The following SETD2 variants were observed in gnomAD, a reference collection of about 807,000 sequenced individuals.
SETD2 encodes histone-lysine N-methyltransferase SETD2.
Under a neutral mutation model 242.1 loss-of-function variants are expected in SETD2, and 31 were observed. The ratio of observed to expected loss-of-function variants is 0.13; its 90% CI spans 0.10 to 0.17. SETD2 has a LOEUF of 0.17. Among genes scored for constraint, SETD2 ranks in the 10% least tolerant of loss-of-function variants. SETD2 has a pLI of 1.00. For missense variants in SETD2, 2,481 were observed against 3,046.3 expected (o/e 0.81, Z 4.37); for synonymous variants, 1,006 against 1,066.5 (o/e 0.94, Z 1.11).
Position 47,057,402 on chromosome 3 carries a change from C to G in SETD2, c.6382G>C (p.Glu2128Gln), listed in dbSNP as rs2107577629. The G allele has an allele frequency of 3.1e-6, 5 of 1,614,196 alleles. No individual in the cohort carries two copies. The highest frequency in any genetic ancestry group is 3.4e-6 in the Non-Finnish European group (4 of 1,180,004). The change falls in exon 15 of 21, where the codon GAG becomes CAG. Residue 2128 changes from glutamate to glutamine, a missense_variant. By Grantham distance (29) the Glu-to-Gln change is conservative. This residue lies in a region of SETD2 where 45 missense variants were observed against 62.8 expected (regional missense o/e 0.72). Coordinates refer to ENST00000409792, the MANE Select transcript of SETD2 (RefSeq NM_014159.7). ...TTCTGAGCCTCCCGTTGAGCCACCTCTTGCTCAAACAACTTCCGGCGTTCC... is the reference window on the plus strand; with the variant it reads ...TTCTGAGCCTCCCGTTGAGCCACCTGTTGCTCAAACAACTTCCGGCGTTCC... Reference protein sequence around the residue: ...TEERRKLFEQEVAQREAQKQQ... With the variant: ...TEERRKLFEQQVAQREAQKQQ...
At chr3:47,156,266 A>T (rs1367615605) in intron 1 of SETD2, among the ~76,000 whole-genome samples, 1 of 152,254 alleles carries the variant, frequency 6.6e-6, no homozygotes, top group Non-Finnish European at 1.5e-5. Flanking sequence ...GTAATGTATT[A>T]AACAAAATTT....
chr3:47,058,620 T>TA (rs2040190987), intron 14 of SETD2, among the ~76,000 whole-genome samples: 1 of 150,294 alleles, frequency 6.7e-6, no homozygotes, highest in Non-Finnish European at 1.5e-5. Context: ...CAAAATAACA[T>TA]AGATGAATGA....
In SETD2 at chr3:47,057,337, T is replaced by C. The variant is rs747454617; in HGVS notation, c.6447A>G (p.Pro2149=). 43 of 1,614,064 alleles carry C rather than the reference T, an allele frequency of 2.7e-5. No individual in the cohort carries two copies. The highest frequency in any genetic ancestry group is 3.5e-5 in the Non-Finnish European group (41 of 1,180,036). Residue 2149 remains proline, a synonymous_variant, in exon 15 of 21, where the codon CCA becomes CCG. Coordinates refer to ENST00000409792, the MANE Select transcript of SETD2 (RefSeq NM_014159.7). ...TATAACCAAGAGAGTCATAGGGCAG[T>C]GGTGATGTCATTCCCAGGTTCTGCA... ...QQMQNLGMTS[P]LPYDSLGYNA...
chr3:47,128,627 A>T (rs1181086955), intron 1 of SETD2, among the ~76,000 whole-genome samples: 1 of 152,186 alleles, frequency 6.6e-6, no homozygotes, highest in Non-Finnish European at 1.5e-5. Context: ...CATGAATGAG[A>T]TCTGAAGCAG....
At chr3:47,057,801 T>G (rs1399815033) in intron 14 of SETD2, among the ~76,000 whole-genome samples, 1 of 152,084 alleles carries the variant, frequency 6.6e-6, no homozygotes, top group Non-Finnish European at 1.5e-5. Context: ...AATCACAAAT[T>G]CTAAAATTAA....
chr3:47,146,336 T>C (rs2043850297), intron 1 of SETD2, among the ~76,000 whole-genome samples: 1 of 152,038 alleles, frequency 6.6e-6, no homozygotes, highest in Non-Finnish European at 1.5e-5. Context: ...CTATTTAAAA[T>C]CCTTCATATA....
At position 47,121,371 on chromosome 3, in the gene SETD2, G is replaced by A. The variant is rs763434646; in HGVS notation, c.3265C>T (p.Arg1089Trp). 1.2e-5 allele frequency: 19 copies of A among 1,609,406 alleles called. No homozygotes were observed. The highest frequency in any genetic ancestry group is 1.6e-4 in the Middle Eastern group (1 of 6,084). ...PMEETSPCSSRSSQSYRHYSD... is the reference protein window; with the variant it reads ...PMEETSPCSSWSSQSYRHYSD... ...TAGTGTCTATAACTTTGACTGCTCC[G>A]AGAAGAACAAGGACTTGTTTCTTCC... The change falls in exon 3 of 21, where the codon CGG (arginine) becomes TGG (tryptophan). Residue 1089 changes from arginine to tryptophan, a missense_variant. Arg to Trp is a moderately radical substitution (Grantham distance 101, BLOSUM62 -3). Around this residue, in one of 17 missense-constraint regions of SETD2, gnomAD observed 1,300 missense variants for 1,259.2 expected, o/e 1.03. Transcript: ENST00000409792.
Position 47,086,264 on chromosome 3 carries a change from C to T in SETD2, c.5328G>A (p.Leu1776=), listed in dbSNP as rs2107646014. ...CTGCCATCCAGATCCACAACAAAGACAGCCCATGACGTTCCAGAAAGGACT... is the reference window on the plus strand; with the variant it reads ...CTGCCATCCAGATCCACAACAAAGATAGCCCATGACGTTCCAGAAAGGACT... ...CLKSFLERHG[L]SLLWIWMAEL... The change falls in exon 11 of 21, where the codon CTG becomes CTA. Residue 1776 remains leucine, a synonymous_variant. Transcript: ENST00000409792. 1 of 1,613,388 alleles carries T rather than the reference C, an allele frequency of 6.2e-7. No homozygotes were observed. The highest frequency in any genetic ancestry group is 8.5e-7 in the Non-Finnish European group (1 of 1,179,506).
intron 8 of SETD2, among the ~76,000 whole-genome samples, chr3:47,098,690 A>G (rs1237312875): frequency 6.6e-6 from 1 of 152,010 alleles, no homozygotes; most frequent in Non-Finnish European, 1.5e-5. Context: ...CAGCTACTCA[A>G]GAGGCTGAGG....
At chr3:47,118,774 A>G (rs1575806993) in intron 3 of SETD2, among the ~76,000 whole-genome samples, 1 of 152,090 alleles carries the variant, frequency 6.6e-6, no homozygotes, top group African/African-American at 2.4e-5. Flanking sequence ...TTATATATAT[A>G]TATCTGATTC....
chr3:47,066,410 C>T (rs2040557910), intron 13 of SETD2, among the ~76,000 whole-genome samples: 1 of 152,126 alleles, frequency 6.6e-6, no homozygotes, highest in South Asian at 2.1e-4. Context: ...TACAGTGGCA[C>T]GATCATGGCT....
chr3:47,083,996 T>C lies in SETD2; in HGVS notation c.5784A>G (p.Leu1928=). Residue 1928 remains leucine (L), a synonymous_variant, in exon 12 of 21, where the codon CTA becomes CTG. Coordinates refer to ENST00000409792, the MANE Select transcript of SETD2 (RefSeq NM_014159.7). ...TGCATTCAGGCAGCTGTTGTGGGAG[T>C]AGCTGTTGTGACTGCAATTCTTCCT... ...EEEEELQSQQ[L]LPQQLPECKV... 6.2e-7 allele frequency: 1 copy of C among 1,614,102 alleles called. No homozygotes were observed. Among genetic ancestry groups the C allele is most frequent in the Non-Finnish European group, 8.5e-7 (1 of 1,180,010 alleles).
intron 9 of SETD2, among the ~76,000 whole-genome samples, chr3:47,095,290 C>T (rs539362362): frequency 6.4e-4 from 98 of 152,228 alleles, no homozygotes; most frequent in Non-Finnish European, 1.0e-3. Context: ...TACCCGCCAC[C>T]ACGCCCAGCA....
At position 47,057,064 on chromosome 3, in the gene SETD2, A is replaced by G. The variant is rs934035500; in HGVS notation, c.6720T>C (p.Tyr2240=). Residue 2240 remains tyrosine (Y), a synonymous_variant, in exon 15 of 21, where the codon TAT becomes TAC. Coordinates refer to ENST00000409792, the MANE Select transcript of SETD2 (RefSeq NM_014159.7). ...AAPVEVSSSQ[Y]VAQSDGVVHQ... is the part of the protein sequence containing the mutation. The stretch of plus-strand genomic sequence containing the variant: ...GTACTACACCATCACTCTGGGCCAC[A>G]TACTGGGAACTGGAAACTTCCACAG... The G allele has an allele frequency of 6.2e-7, 1 of 1,614,250 alleles. No homozygotes were observed. The highest frequency in any genetic ancestry group is 8.5e-7 in the Non-Finnish European group (1 of 1,180,042).
chr3:47,107,894 T>C (rs1437373487), intron 5 of SETD2, among the ~76,000 whole-genome samples: 1 of 152,040 alleles, frequency 6.6e-6, no homozygotes, highest in African/African-American at 2.4e-5. Context: ...GGCAGGAGAA[T>C]TGCTTGAGCC....
chr3:47,101,633 T>TGTGTGTGC (rs1553694870), intron 7 of SETD2, 78 bp from the exon 8 acceptor site: 32 of 670,268 alleles, frequency 4.8e-5, no homozygotes, highest in African/African-American at 2.6e-4. Context: ...TGTGTGTGTG[T>TGTGTGTGC]GCGCATATAT....
At position 47,078,682 on chromosome 3, in the gene SETD2, G is replaced by A. The variant is rs1022880876; in HGVS notation, c.6060+5038C>T. ...CACAGAAGAATATCCTTGGTTTTAG[G>A]AAATACACAATATCCAGGGGCATCA... On this transcript the variant is annotated intron_variant, in intron 12 of 20. Coordinates refer to ENST00000409792, the MANE Select transcript of SETD2 (RefSeq NM_014159.7). 4.6e-5 allele frequency among the ~76,000 whole-genome samples: 7 copies of A among 151,960 alleles called. No homozygotes were observed. The South Asian group carries it at 1.0e-3, about 23-fold the overall frequency.
At chr3:47,049,941 TAA>T (rs1361336616) in intron 15 of SETD2, among the ~76,000 whole-genome samples, 1 of 146,548 alleles carries the variant, frequency 6.8e-6, no homozygotes, top group African/African-American at 2.5e-5. Context: ...ACTTATTCTA[TAA>T]GTTTATATAT....
At chr3:47,126,076 C>T (rs1343113367) in intron 2 of SETD2, among the ~76,000 whole-genome samples, 2 of 152,224 alleles carry the variant, frequency 1.3e-5, no homozygotes, top group African/African-American at 2.4e-5. Flanking sequence ...GTTGCCCAGG[C>T]TGAAGTGCAG....
Sources: gnomAD v4.1 joint callset for allele counts (sites outside exome capture counted in the v4.1 genomes callset) on GRCh38, gnomAD v4.1.1 for gene constraint, gnomAD v4.1.1 regional missense constraint, MANE v1.5 for transcripts, NCBI Gene and HGNC (gene_info 2026-07-23, HGNC 2026-07-21) for gene names.